FGF14: variants seen among roughly 807,000 people sequenced by gnomAD.
FGF14 encodes fibroblast growth factor homologous factor 4.
FGF14 carries 5 observed loss-of-function variants against 25.5 expected under a neutral mutation model. That is an observed-to-expected ratio of 0.20 (90% CI 0.10 to 0.41). The LOEUF is 0.41. Among genes scored for constraint, FGF14 ranks in the 10% least tolerant of loss-of-function variants. The probability of loss-of-function intolerance (pLI) is 1.00; values close to 1 mark genes in which losing one functional copy is unlikely to be tolerated. For synonymous variants in FGF14, 138 were observed against 118.3 expected (o/e 1.17, Z -1.08); for missense variants, 222 against 320.1 (o/e 0.69, Z 2.34).
chr13:102,231,309 C>T (rs1473853971), intron 1 of FGF14, among the ~76,000 whole-genome samples: 2 of 152,068 alleles, frequency 1.3e-5, no homozygotes, highest in Non-Finnish European at 2.9e-5. Context: ...CATTTTGATC[C>T]GTTTATGTCT....
At chr13:102,394,374 G>C (rs1227010666) in intron 1 of FGF14, 2 of 152,616 alleles carry the variant, frequency 1.3e-5, no homozygotes, top group Non-Finnish European at 2.9e-5. Flanking sequence ...CGCGCCCCGC[G>C]GGCGGCAGAG....
At chr13:102,206,165 T>G (rs1470108812) in intron 1 of FGF14, among the ~76,000 whole-genome samples, 1 of 151,226 alleles carries the variant, frequency 6.6e-6, no homozygotes, top group African/African-American at 2.4e-5. Context: ...TACATGCTAT[T>G]TGTTTTTTCA....
chr13:102,395,574 T>C (rs2058561048), intron 1 of FGF14: 2 of 152,214 alleles, frequency 1.3e-5, no homozygotes, highest in Non-Finnish European at 2.9e-5. Context: ...TGGTTGGCGC[T>C]TTGAGAAAGG....
chr13:102,039,582 G>A (rs944681718), intron 1 of FGF14, among the ~76,000 whole-genome samples: 3 of 152,026 alleles, frequency 2.0e-5, no homozygotes, highest in Non-Finnish European at 2.9e-5. Context: ...CTCTGTCATC[G>A]CGTGCTATTC....
chr13:102,242,802 C>A (rs1453396726), intron 1 of FGF14, among the ~76,000 whole-genome samples: 2 of 152,094 alleles, frequency 1.3e-5, no homozygotes, highest in East Asian at 3.9e-4. Context: ...GCTTGGAAAT[C>A]CATTTGTTTA....
chr13:101,890,466 C>T (rs940286417), intron 1 of FGF14, among the ~76,000 whole-genome samples: 1 of 152,138 alleles, frequency 6.6e-6, no homozygotes, highest in African/African-American at 2.4e-5. Context: ...CTCTGTTCCT[C>T]TAAGTCCCTC....
chr13:102,368,197 T>G (rs34083565), intron 1 of FGF14, among the ~76,000 whole-genome samples: 21,371 of 152,230 alleles, frequency 0.14, 1,590 homozygotes, highest in Non-Finnish European at 0.17. Context: ...TAATCTAGCC[T>G]ATTTTAATTC....
chr13:102,141,779 T>A (rs560562590), intron 1 of FGF14, among the ~76,000 whole-genome samples: 2 of 152,338 alleles, frequency 1.3e-5, no homozygotes, highest in Middle Eastern at 3.4e-3. Context: ...GGCAGCTTTC[T>A]CTGACTTACT....
intron 1 of FGF14, among the ~76,000 whole-genome samples, chr13:102,274,682 A>G (rs59481329): frequency 0.04 from 6,137 of 152,098 alleles, 410 homozygotes; most frequent in African/African-American, 0.14. Context: ...AGGGGTTCAA[A>G]CCCACACATA....
chr13:101,969,926 C>T lies in FGF14; in HGVS notation c.209-94630G>A, dbSNP rs1218124955. Reference sequence around the variant, plus strand: ...GTTCATTTCTTTTAAGTATTCCTGCCGGTAGCAAACATTCGTAATTTATGG... The same window carrying T: ...GTTCATTTCTTTTAAGTATTCCTGCTGGTAGCAAACATTCGTAATTTATGG... On this transcript the variant is annotated intron_variant, in intron 1 of 4. Coordinates refer to the FGF14 transcript ENST00000376131. Among the ~76,000 whole-genome samples, 5 of 152,164 alleles carry T rather than the reference C, an allele frequency of 3.3e-5. 1 individual carries two copies. The highest frequency in any genetic ancestry group is 4.1e-4 in the South Asian group (2 of 4,828).
intron 1 of FGF14, among the ~76,000 whole-genome samples, chr13:102,297,790 G>A (rs2054805167): frequency 6.6e-6 from 1 of 151,740 alleles, no homozygotes; most frequent in Non-Finnish European, 1.5e-5. Flanking sequence ...CAGCTACTTG[G>A]GAAGCTGAGG....
chr13:101,878,762 C>A (rs1016011901), intron 1 of FGF14, among the ~76,000 whole-genome samples: 1 of 151,946 alleles, frequency 6.6e-6, no homozygotes, highest in South Asian at 2.1e-4. Flanking sequence ...AAAAATGAAA[C>A]TTCATCCTAA....
chr13:101,956,263 TAGATAC>T (rs1176084859), intron 1 of FGF14, among the ~76,000 whole-genome samples: 9 of 152,202 alleles, frequency 5.9e-5, no homozygotes, highest in Non-Finnish European at 1.0e-4. Flanking sequence ...TTTAGATAGA[TAGATAC>T]AGATACAGAT....
At chr13:102,158,195 A>C (rs951149687) in intron 1 of FGF14, among the ~76,000 whole-genome samples, 1 of 152,228 alleles carries the variant, frequency 6.6e-6, no homozygotes, top group Non-Finnish European at 1.5e-5. Context: ...ATTATAAATC[A>C]TGCTGCTGTA....
At chr13:102,273,706 TTTAA>T (rs1274765832) in intron 1 of FGF14, among the ~76,000 whole-genome samples, 1 of 152,140 alleles carries the variant, frequency 6.6e-6, no homozygotes, top group East Asian at 1.9e-4. Context: ...CTTAAAAATC[TTTAA>T]TTTCTTTTCT....
intron 1 of FGF14, among the ~76,000 whole-genome samples, chr13:102,148,340 G>C (rs1289944813): frequency 2.6e-5 from 4 of 152,064 alleles, no homozygotes; most frequent in Admixed American, 6.5e-5. Flanking sequence ...TTTTGAGCCT[G>C]ATTTTTTAAA....
At chr13:102,289,045 A>G (rs2054249998) in intron 1 of FGF14, among the ~76,000 whole-genome samples, 1 of 151,632 alleles carries the variant, frequency 6.6e-6, no homozygotes, top group South Asian at 2.1e-4. Flanking sequence ...TGATTTATTG[A>G]CCCTTTGCCT....
chr13:102,257,448 T>C (rs1375083165), intron 1 of FGF14, among the ~76,000 whole-genome samples: 2 of 139,678 alleles, frequency 1.4e-5, no homozygotes, highest in Non-Finnish European at 3.0e-5. Flanking sequence ...ACCTACCAGG[T>C]TCAAGTGATT....
At chr13:101,957,926 G>T (rs998543095) in intron 1 of FGF14, among the ~76,000 whole-genome samples, 1 of 152,130 alleles carries the variant, frequency 6.6e-6, no homozygotes, top group Non-Finnish European at 1.5e-5. Flanking sequence ...AACATGGAAT[G>T]AAAGGGCCAA....
Sources: allele counts gnomAD v4.1 joint callset (sites outside exome capture counted in the v4.1 genomes callset), GRCh38; gene constraint gnomAD v4.1.1; transcripts MANE v1.5; gene names NCBI Gene and HGNC (gene_info 2026-07-23, HGNC 2026-07-21).